The following TM9SF2 variants were observed in gnomAD, a reference collection of about 807,000 sequenced individuals.
TM9SF2 encodes the protein transmembrane 9 superfamily member 2, also known as 76 kDa membrane protein.
In TM9SF2, 13 loss-of-function variants were observed where a neutral mutation model predicts 84.9. That is an observed-to-expected ratio of 0.15 (90% CI 0.10 to 0.24). TM9SF2 has a LOEUF of 0.24. TM9SF2 is among the 10% of genes least tolerant of loss of function. The probability of loss-of-function intolerance (pLI) is 1.00; values close to 1 mark genes in which losing one functional copy is unlikely to be tolerated. For synonymous variants in TM9SF2, 273 were observed against 285.8 expected, an observed-to-expected ratio of 0.96 and a Z score of 0.45; for missense variants, 562 against 818.5, an observed-to-expected ratio of 0.69 and a Z score of 3.82.
At chr13:99,537,582 A>G (rs1293193847) in intron 5 of TM9SF2, among the ~76,000 whole-genome samples, 157 bp from the exon 6 acceptor site, 1 of 152,242 alleles carries the variant, frequency 6.6e-6, no homozygotes, top group East Asian at 1.9e-4. Flanking sequence ...TGGCTTAAAA[A>G]GAGTTTAAGT....
intron 13 of TM9SF2, 53 bp from the exon 14 acceptor site, chr13:99,554,251 A>G: frequency 1.9e-6 from 3 of 1,580,712 alleles, no homozygotes; most frequent in Middle Eastern, 1.7e-4. Flanking sequence ...GTAGAGAAGA[A>G]TATTTGAGAC....
intron 11 of TM9SF2, among the ~76,000 whole-genome samples, chr13:99,547,858 A>G (rs903952076): frequency 7.2e-5 from 11 of 152,220 alleles, no homozygotes; most frequent in Admixed American, 3.9e-4. Context: ...AGCACAGTAG[A>G]GTTACGTGGA....
chr13:99,524,666 C>A (rs9300555), intron 3 of TM9SF2, among the ~76,000 whole-genome samples: 26,344 of 151,458 alleles, frequency 0.17, 2,482 homozygotes, highest in Non-Finnish European at 0.2. Context: ...AGACAAGATT[C>A]GAAGAGGCAC....
chr13:99,526,849 A>G (rs1327786355), intron 3 of TM9SF2, among the ~76,000 whole-genome samples: 74 of 152,076 alleles, frequency 4.9e-4, no homozygotes, highest in Non-Finnish European at 7.4e-5. Context: ...TGACAAGAAC[A>G]GGAAGGAGTA....
chr13:99,525,665 C>T (rs940004744), intron 3 of TM9SF2, among the ~76,000 whole-genome samples: 15 of 151,554 alleles, frequency 9.9e-5, no homozygotes, highest in Non-Finnish European at 1.8e-4. Flanking sequence ...ACACCATTCT[C>T]CTGCCTCAGC....
At chr13:99,541,492 T>G in intron 8 of TM9SF2, 67 bp from the exon 9 acceptor site, 1 of 1,199,606 alleles carries the variant, frequency 8.3e-7, no homozygotes, top group Non-Finnish European at 1.2e-6. Flanking sequence ...AATAAACAGT[T>G]TTTAAAAGAG....
rs1396902287 is a variant in TM9SF2, at chr13:99,561,697, A to G, written c.1925-994A>G. 2.1e-5 allele frequency among the ~76,000 whole-genome samples: 3 copies of G among 144,818 alleles called. No homozygotes were observed. The East Asian group carries it at 5.8e-4, about 28-fold the overall frequency. ...CTTGATTTAGAAAATCTCCTTTAAT[A>G]TTTTCTCAGAGTACTGCATTTAAAA... On this transcript the variant is annotated intron_variant, in intron 16 of 16. Coordinates refer to ENST00000376387, the MANE Select transcript of TM9SF2 (RefSeq NM_004800.3).
intron 6 of TM9SF2, 55 bp downstream of exon 6, chr13:99,537,918 GA>G: frequency 6.4e-7 from 1 of 1,550,624 alleles, no homozygotes; most frequent in Non-Finnish European, 8.7e-7. Flanking sequence ...TAGACCCAAA[GA>G]ATAAGTATTT....
At chr13:99,540,647 A>G (rs979600577) in intron 7 of TM9SF2, 67 bp from the exon 8 acceptor site, 10 of 1,311,094 alleles carry the variant, frequency 7.6e-6, no homozygotes, top group Admixed American at 1.9e-5. Context: ...TTTGAATGGG[A>G]TTTTTTTTTG....
intron 1 of TM9SF2, among the ~76,000 whole-genome samples, chr13:99,506,078 C>T (rs577863449): frequency 2.6e-5 from 4 of 152,220 alleles, no homozygotes; most frequent in Middle Eastern, 3.4e-3. Flanking sequence ...GAAAATTACT[C>T]AGTCATACTT....
chr13:99,520,356 T>C (rs1457821354), intron 3 of TM9SF2, among the ~76,000 whole-genome samples: 1 of 152,192 alleles, frequency 6.6e-6, no homozygotes, highest in East Asian at 1.9e-4. Flanking sequence ...GTTAGGAATG[T>C]TAAGACGGTG....
intron 3 of TM9SF2, among the ~76,000 whole-genome samples, chr13:99,523,316 A>G (rs1437992452): frequency 1.3e-5 from 2 of 152,012 alleles, no homozygotes; most frequent in Non-Finnish European, 2.9e-5. Flanking sequence ...ATGCCCAGGT[A>G]ATTTTTTTAT....
chr13:99,527,865 A>G (rs1193027455), intron 3 of TM9SF2, among the ~76,000 whole-genome samples: 1 of 152,184 alleles, frequency 6.6e-6, no homozygotes, highest in Non-Finnish European at 1.5e-5. Context: ...TACTGCGCCC[A>G]TTTTACACAT....
At chr13:99,538,395 G>A (rs779454762) in intron 6 of TM9SF2, among the ~76,000 whole-genome samples, 66 of 150,760 alleles carry the variant, frequency 4.4e-4, no homozygotes, top group African/African-American at 1.5e-3. Context: ...TTTTTTTCAC[G>A]ACTTTTTCTG....
rs921187887 is a variant in TM9SF2, at chr13:99,501,545, C to T, written c.-62C>T. On this transcript the variant is annotated 5_prime_UTR_variant, in exon 1 of 17. Transcript: ENST00000376387. ...CGGCCTTGTAGTCGTCTCCGAGACT[C>T]CCCACCCCTCCTTCCCTCTTGACCC... 6.4e-6 allele frequency: 10 copies of T among 1,563,798 alleles called. No individual in the cohort carries two copies. Among genetic ancestry groups the T allele is most frequent in the African/African-American group, 2.8e-5 (2 of 72,492 alleles).
At chr13:99,521,728 A>T (rs576632121) in intron 3 of TM9SF2, among the ~76,000 whole-genome samples, 1 of 151,890 alleles carries the variant, frequency 6.6e-6, no homozygotes, top group South Asian at 2.1e-4. Flanking sequence ...TTTTTAAGAG[A>T]TGGAGCCTTG....
At chr13:99,536,966 A>G (rs186798833) in intron 5 of TM9SF2, among the ~76,000 whole-genome samples, 118 of 152,308 alleles carry the variant, frequency 7.7e-4, no homozygotes, top group African/African-American at 2.6e-3. Flanking sequence ...TGTCTGTTGT[A>G]TGTTAAATGC....
At chr13:99,514,186 T>A (rs1345668369) in intron 1 of TM9SF2, 1 of 152,212 alleles carries the variant, frequency 6.6e-6, no homozygotes, top group African/African-American at 2.4e-5. Flanking sequence ...ACCTTATTTT[T>A]AAAAAATTTA....
chr13:99,550,368 T>G (rs1207599313), intron 12 of TM9SF2, among the ~76,000 whole-genome samples: 4 of 152,234 alleles, frequency 2.6e-5, no homozygotes, highest in African/African-American at 7.2e-5. Context: ...TCTCCATCAT[T>G]TTACTGAAAC....
Sources: allele counts gnomAD v4.1 joint callset (sites outside exome capture counted in the v4.1 genomes callset), GRCh38; gene constraint gnomAD v4.1.1; transcripts MANE v1.5; gene names NCBI Gene and HGNC (gene_info 2026-07-23, HGNC 2026-07-21).